NDUFAF5: variants seen among roughly 807,000 people sequenced by gnomAD.
NDUFAF5 encodes arginine-hydroxylase NDUFAF5, mitochondrial.
Under a neutral mutation model 48.9 loss-of-function variants are expected in NDUFAF5, and 34 were observed. The observed-to-expected ratio is 0.70, with a 90% CI of 0.53 to 0.93. NDUFAF5 has a LOEUF of 0.93. Among genes scored for constraint, NDUFAF5 ranks in the 40% least tolerant of loss-of-function variants. The probability of loss-of-function intolerance (pLI) is 0.00; values close to 1 mark genes in which losing one functional copy is unlikely to be tolerated. For missense variants in NDUFAF5, 428 were observed against 427.5 expected, an observed-to-expected ratio of 1.00 and a Z score of -0.01; for synonymous variants, 153 against 150.6, an observed-to-expected ratio of 1.02 and a Z score of -0.12.
At chr20:13,809,718 A>G (rs1459911417) in intron 8 of NDUFAF5, among the ~76,000 whole-genome samples, 2 of 152,244 alleles carry the variant, frequency 1.3e-5, no homozygotes, top group Non-Finnish European at 2.9e-5. Flanking sequence ...TGGCAGATAA[A>G]CTAGTCACGA....
chr20:13,802,284 C>T (rs1025596680), intron 7 of NDUFAF5, among the ~76,000 whole-genome samples: 16 of 152,088 alleles, frequency 1.1e-4, no homozygotes, highest in Non-Finnish European at 2.4e-4. Context: ...CTTTGTTCTC[C>T]GACAGGAGTA....
intron 8 of NDUFAF5, chr20:13,814,250 G>A: frequency 2.7e-6 from 1 of 367,400 alleles, no homozygotes; most frequent in Non-Finnish European, 5.3e-6. Flanking sequence ...AGCATAGTCA[G>A]GGGATGATGG....
At chr20:13,798,257 A>G (rs1186618891) in intron 5 of NDUFAF5, among the ~76,000 whole-genome samples, 1 of 152,176 alleles carries the variant, frequency 6.6e-6, no homozygotes, top group Non-Finnish European at 1.5e-5. Context: ...TGACATGGGG[A>G]ATTTTCTGGT....
At chr20:13,809,077 A>T in intron 8 of NDUFAF5, 175 bp downstream of exon 8, 1 of 618,222 alleles carries the variant, frequency 1.6e-6, no homozygotes, top group Non-Finnish European at 2.9e-6. Context: ...GGAGCTTCTG[A>T]TATAAAATGG....
intron 2 of NDUFAF5, among the ~76,000 whole-genome samples, chr20:13,788,023 G>C (rs576244010): frequency 6.6e-6 from 1 of 152,266 alleles, no homozygotes; most frequent in East Asian, 1.9e-4. Context: ...CCGAATTCAA[G>C]TGTTGACTGC....
In NDUFAF5 at chr20:13,816,563, C is replaced by G. The variant is rs1568787061; in HGVS notation, c.862+17C>G. The G allele has an allele frequency of 6.3e-7, 1 of 1,598,774 alleles. No individual in the cohort carries two copies. The highest frequency in any genetic ancestry group is 2.2e-5 in the East Asian group (1 of 44,754). On this transcript the variant is annotated intron_variant, in intron 9 of 10. Coordinates refer to ENST00000378106, the MANE Select transcript of NDUFAF5 (RefSeq NM_024120.5). ...TGTACAGAGGTAAGGGGCGACCACT[C>G]TTTCACCCGCCTCACCAAGGCACTT...
At chr20:13,802,854 A>G (rs1984419669) in intron 7 of NDUFAF5, among the ~76,000 whole-genome samples, 2 of 152,116 alleles carry the variant, frequency 1.3e-5, no homozygotes, top group South Asian at 2.1e-4. Context: ...TCTGGAGAGA[A>G]TGATTGCCCT....
chr20:13,791,276 A>C (rs994101302), intron 3 of NDUFAF5, among the ~76,000 whole-genome samples: 6 of 152,232 alleles, frequency 3.9e-5, no homozygotes, highest in African/African-American at 1.4e-4. Flanking sequence ...TTCAAACTTC[A>C]GCTCTGCCAC....
At chr20:13,800,210 G>T (rs569647578) in intron 6 of NDUFAF5, among the ~76,000 whole-genome samples, 1 of 152,180 alleles carries the variant, frequency 6.6e-6, no homozygotes, top group East Asian at 1.9e-4. Context: ...GGGAGAGCGG[G>T]GAGCTGCAGA....
intron 3 of NDUFAF5, among the ~76,000 whole-genome samples, chr20:13,790,408 T>C (rs1982085554): frequency 6.6e-6 from 1 of 152,218 alleles, no homozygotes; most frequent in African/African-American, 2.4e-5. Flanking sequence ...CAGCAGCTTT[T>C]ATTTGCATTT....
intron 7 of NDUFAF5, among the ~76,000 whole-genome samples, chr20:13,806,689 A>G (rs984388142): frequency 2.6e-5 from 4 of 152,222 alleles, no homozygotes; most frequent in African/African-American, 7.2e-5. Context: ...CAGCCTGGAA[A>G]GAATTTTGTT....
intron 8 of NDUFAF5, among the ~76,000 whole-genome samples, chr20:13,809,579 G>T (rs893076589): frequency 6.6e-6 from 1 of 152,222 alleles, no homozygotes; most frequent in Non-Finnish European, 1.5e-5. Context: ...GTGGGTCAAC[G>T]TGAGTCACAG....
intron 8 of NDUFAF5, among the ~76,000 whole-genome samples, chr20:13,812,710 C>T (rs1429935069): frequency 6.6e-6 from 1 of 152,170 alleles, no homozygotes; most frequent in Admixed American, 6.5e-5. Context: ...GTATCTTGTC[C>T]ATGGTCACAC....
chr20:13,821,329 C>T lies in NDUFAF5; in HGVS notation c.*4119C>T, dbSNP rs112425930. On this transcript the variant is annotated 3_prime_UTR_variant, in exon 11 of 11. Coordinates refer to ENST00000378106, the MANE Select transcript of NDUFAF5 (RefSeq NM_024120.5). ...TTGGATCCTTCACTCTAGGGAAAGC[C>T]AGCAGCCATATTGTAAGGCCACTCA... 7 of 152,316 alleles carry T rather than the reference C, an allele frequency of 4.6e-5. No individual in the cohort carries two copies. Among genetic ancestry groups the T allele is most frequent in the African/African-American group, 1.7e-4 (7 of 41,548 alleles). 9.4% of individuals were successfully genotyped at this position (152,316 alleles called of 1,614,324 possible). A position where few individuals can be genotyped will look rare whatever the true frequency, so the allele number is the denominator to read the frequency against.
chr20:13,820,264 T>C lies in NDUFAF5; in HGVS notation c.*3054T>C, dbSNP rs983099465. The stretch of plus-strand genomic sequence containing the variant: ...ACCTATATACATCAAGTATGTGATA[T>C]GATTGTAAAAAGTTACAGAAGTGTG... On this transcript the variant is annotated 3_prime_UTR_variant, in exon 11 of 11. Transcript: ENST00000378106. 2 of 152,252 alleles carry C rather than the reference T, an allele frequency of 1.3e-5. No homozygotes were observed. Among genetic ancestry groups the C allele is most frequent in the East Asian group, 1.9e-4 (1 of 5,204 alleles). The allele number at this position is 152,252 out of a possible 1,614,324, so 9.4% of individuals were successfully genotyped here. A position where few individuals can be genotyped will look rare whatever the true frequency, so the allele number is the denominator to read the frequency against.
rs139219896 is a variant in NDUFAF5 at position 13,785,251 on chromosome 20, G to C, written c.183G>C (p.Arg61=). ...LKRKQKNWAA[R]QPEPTKFDYL... is the part of the protein sequence containing the mutation. ...GGAAACAGAAGAACTGGGCAGCCCG[G>C]CAGCCCGAGCCGACCAAATTTGACT... Residue 61 remains arginine, a synonymous_variant, in exon 1 of 11, where the codon CGG becomes CGC. Coordinates refer to ENST00000378106, the MANE Select transcript of NDUFAF5 (RefSeq NM_024120.5). The C allele has an allele frequency of 5.2e-3, 8,414 of 1,612,916 alleles. 35 individuals carry two copies. Among genetic ancestry groups the C allele is most frequent in the Middle Eastern group, 0.016 (95 of 6,058 alleles).
At chr20:13,799,094 A>G (rs966473356) in intron 6 of NDUFAF5, among the ~76,000 whole-genome samples, 1 of 152,190 alleles carries the variant, frequency 6.6e-6, no homozygotes, top group Admixed American at 6.5e-5. Flanking sequence ...GGAGAGGCAC[A>G]AGAGCTTCAT....
chr20:13,800,708 T>C (rs1983986568), intron 6 of NDUFAF5, among the ~76,000 whole-genome samples: 1 of 152,232 alleles, frequency 6.6e-6, no homozygotes, highest in Non-Finnish European at 1.5e-5. Flanking sequence ...CCCAACTTGA[T>C]GGCTTAAAAC....
At chr20:13,816,651 C>T (rs1260059999) in intron 9 of NDUFAF5, 105 bp downstream of exon 9, 2 of 932,288 alleles carry the variant, frequency 2.1e-6, no homozygotes, top group Non-Finnish European at 3.5e-6. Flanking sequence ...TTAAGGCTCC[C>T]TCAGACTTCT....
Sources: allele counts gnomAD v4.1 joint callset (sites outside exome capture counted in the v4.1 genomes callset), GRCh38; gene constraint gnomAD v4.1.1; transcripts MANE v1.5; gene names NCBI Gene and HGNC (gene_info 2026-07-23, HGNC 2026-07-21).